L2HGDH: variants seen among roughly 807,000 people sequenced by gnomAD.
L2HGDH encodes the protein L-2-hydroxyglutarate dehydrogenase, mitochondrial.
L2HGDH carries 34 observed loss-of-function variants against 51.5 expected under a neutral mutation model. The observed-to-expected ratio is 0.66, with a 90% confidence interval of 0.50 to 0.88. The LOEUF (loss-of-function observed/expected upper bound fraction) is 0.88, where lower values mean the gene tolerates loss of function less well. L2HGDH is among the 40% of genes least tolerant of loss of function. L2HGDH has a pLI of 0.00. For synonymous variants in L2HGDH, 198 were observed against 197.9 expected (o/e 1.00, Z -0.01); for missense variants, 558 against 571.9 (o/e 0.98, Z 0.25).
At chr14:50,286,133 A>AACCAGGCAAGT (rs1327773745) in intron 4 of L2HGDH, among the ~76,000 whole-genome samples, 1 of 152,142 alleles carries the variant, frequency 6.6e-6, no homozygotes, top group Non-Finnish European at 1.5e-5. Context: ...ACCAGGCAAG[A>AACCAGGCAAGT]ACCAGACAAG....
chr14:50,266,463 C>T (rs1456753779), intron 8 of L2HGDH, among the ~76,000 whole-genome samples: 2 of 152,024 alleles, frequency 1.3e-5, no homozygotes, highest in South Asian at 2.1e-4. Context: ...TGTAACATGG[C>T]GAAACCCTGT....
rs1291768591 is a variant in L2HGDH, at chr14:50,244,924, T to C, written c.*2134A>G. The C allele has an allele frequency of 2.0e-6, 2 of 985,478 alleles. No homozygotes were observed. The highest frequency in any genetic ancestry group is 2.4e-6 in the Non-Finnish European group (2 of 829,930). The allele number at this position is 985,478 out of a possible 1,614,324, so 61.0% of individuals were successfully genotyped here. On this transcript the variant is annotated 3_prime_UTR_variant, in exon 10 of 10. Coordinates refer to ENST00000267436, the MANE Select transcript of L2HGDH (RefSeq NM_024884.3). ...AATGGATGAAAATGCCTCACCTAAATGTGGTTCAGTACTCAAAGTTCTGCA... is the reference window on the plus strand; with the variant it reads ...AATGGATGAAAATGCCTCACCTAAACGTGGTTCAGTACTCAAAGTTCTGCA...
At chr14:50,267,434 G>T (rs141957010) in intron 8 of L2HGDH, among the ~76,000 whole-genome samples, 1 of 152,040 alleles carries the variant, frequency 6.6e-6, no homozygotes, top group Non-Finnish European at 1.5e-5. Flanking sequence ...CACCTGCCTC[G>T]GCCTCCCAGA....
rs947003671 is a variant in L2HGDH at position 50,244,417 on chromosome 14, G to T, written c.*2641C>A. ...GCTTCAATTAGGACAATCATTTTTTGTAATTCAATGTTTACAACTTAGTAT... is the reference window on the plus strand; with the variant it reads ...GCTTCAATTAGGACAATCATTTTTTTTAATTCAATGTTTACAACTTAGTAT... On this transcript the variant is annotated 3_prime_UTR_variant, in exon 10 of 10. Transcript: ENST00000267436. 1.0e-6 allele frequency: 1 copy of T among 985,132 alleles called. No homozygotes were observed. The highest frequency in any genetic ancestry group is 1.7e-5 in the African/African-American group (1 of 57,212). The allele number at this position is 985,132 out of a possible 1,614,324, so 61.0% of individuals were successfully genotyped here.
chr14:50,251,289 T>A (rs924098833), intron 9 of L2HGDH, among the ~76,000 whole-genome samples: 4 of 151,996 alleles, frequency 2.6e-5, no homozygotes, highest in African/African-American at 9.7e-5. Context: ...GTTTGTGAGC[T>A]GAAAGACAGG....
intron 9 of L2HGDH, among the ~76,000 whole-genome samples, chr14:50,248,518 A>G (rs1392017251): frequency 6.6e-6 from 1 of 152,234 alleles, no homozygotes; most frequent in African/African-American, 2.4e-5. Flanking sequence ...CACAGTTTAT[A>G]TTTAACAGCA....
intron 9 of L2HGDH, among the ~76,000 whole-genome samples, chr14:50,256,100 T>C (rs1425257923): frequency 6.6e-6 from 1 of 152,164 alleles, no homozygotes; most frequent in Non-Finnish European, 1.5e-5. Context: ...TATTGTCATA[T>C]GTCAAGCATT....
At chr14:50,272,168 T>TA (rs779452391) in intron 6 of L2HGDH, among the ~76,000 whole-genome samples, 8 of 152,128 alleles carry the variant, frequency 5.3e-5, no homozygotes, top group Non-Finnish European at 2.9e-5. Context: ...AAACTTTTCA[T>TA]AAAACTATTT....
Position 50,243,329 on chromosome 14 carries a change from C to A in L2HGDH, c.*3729G>T, listed in dbSNP as rs1887870782. ...ACCCAAAATATAAATGACTCAACCT[C>A]ATTTTGTATTATATACTAACACAGA... On this transcript the variant is annotated 3_prime_UTR_variant, in exon 10 of 10. Transcript: ENST00000267436. 4.1e-6 allele frequency: 4 copies of A among 984,712 alleles called. No individual in the cohort carries two copies. The highest frequency in any genetic ancestry group is 4.7e-5 in the South Asian group (1 of 21,272). 61.0% of individuals were successfully genotyped at this position (984,712 alleles called of 1,614,324 possible). A position where few individuals can be genotyped will look rare whatever the true frequency, so the allele number is the denominator to read the frequency against.
intron 9 of L2HGDH, among the ~76,000 whole-genome samples, chr14:50,248,549 G>A (rs561940809): frequency 1.3e-5 from 2 of 152,320 alleles, no homozygotes; most frequent in African/African-American, 4.8e-5. Flanking sequence ...GAGAGATTAA[G>A]TAACTTGCCT....
intron 9 of L2HGDH, among the ~76,000 whole-genome samples, chr14:50,251,733 T>C (rs1335197693): frequency 1.3e-5 from 2 of 152,032 alleles, no homozygotes; most frequent in African/African-American, 4.8e-5. Context: ...TTTAAAGTGC[T>C]GAAGGAAAAA....
rs1282377002 is a variant in L2HGDH, at chr14:50,246,123, G to GAA, written c.*933_*934dup. 1.5e-5 allele frequency: 2 copies of GAA among 133,482 alleles called. No individual in the cohort carries two copies. Among genetic ancestry groups the GAA allele is most frequent in the Non-Finnish European group, 3.2e-5 (2 of 61,876 alleles). 8.3% of individuals were successfully genotyped at this position (133,482 alleles called of 1,614,324 possible). A position where few individuals can be genotyped will look rare whatever the true frequency, so the allele number is the denominator to read the frequency against. ...GGGCAACAAGAGTGAAACTCCGTCT[G>GAA]AAAAAAAAAATAAATAAAAGTCAGG... On this transcript the variant is annotated 3_prime_UTR_variant, in exon 10 of 10. Transcript: ENST00000267436.
At chr14:50,268,562 C>A (rs943676182) in intron 7 of L2HGDH, among the ~76,000 whole-genome samples, 22 of 152,124 alleles carry the variant, frequency 1.4e-4, no homozygotes, top group African/African-American at 4.8e-4. Context: ...GAAAAAAATA[C>A]ACATTCATAG....
chr14:50,267,923 C>G lies in L2HGDH; in HGVS notation c.907-13G>C. 1 of 1,612,494 alleles carries G rather than the reference C, an allele frequency of 6.2e-7. No individual in the cohort carries two copies. Among genetic ancestry groups the G allele is most frequent in the Non-Finnish European group, 8.5e-7 (1 of 1,178,544 alleles). On this transcript the variant is annotated splice_polypyrimidine_tract_variant and intron_variant, in intron 7 of 9. Transcript: ENST00000267436. ...GGCTATCTGGGACCTATAAATTTAA[C>G]ATAGTAAATAACAGCCTCATTTCAC...
intron 4 of L2HGDH, among the ~76,000 whole-genome samples, chr14:50,291,281 T>G (rs993786071): frequency 6.6e-6 from 1 of 151,676 alleles, no homozygotes; most frequent in Admixed American, 6.6e-5. Flanking sequence ...CAGGATGAAT[T>G]TGGCCCACAG....
At chr14:50,299,425 A>G (rs377148916) in intron 3 of L2HGDH, among the ~76,000 whole-genome samples, 2 of 152,200 alleles carry the variant, frequency 1.3e-5, no homozygotes, top group South Asian at 2.1e-4. Context: ...AACCCTACTC[A>G]AACTATTCCA....
At chr14:50,304,493 G>C (rs979484117) in intron 1 of L2HGDH, among the ~76,000 whole-genome samples, 1 of 152,248 alleles carries the variant, frequency 6.6e-6, no homozygotes, top group East Asian at 1.9e-4. Flanking sequence ...CCAGAAATGG[G>C]CTTAGGAACC....
At chr14:50,289,093 C>A (rs1890724817) in intron 4 of L2HGDH, among the ~76,000 whole-genome samples, 1 of 152,118 alleles carries the variant, frequency 6.6e-6, no homozygotes, top group Non-Finnish European at 1.5e-5. Context: ...CCCATATATT[C>A]TCTGCTCCCA....
intron 9 of L2HGDH, among the ~76,000 whole-genome samples, chr14:50,250,940 C>G (rs1382335309): frequency 1.3e-5 from 2 of 152,152 alleles, no homozygotes; most frequent in Non-Finnish European, 2.9e-5. Context: ...CAATAAGTAC[C>G]CAACTCTTCA....
Sources: allele counts gnomAD v4.1 joint callset (sites outside exome capture counted in the v4.1 genomes callset), GRCh38; gene constraint gnomAD v4.1.1; transcripts MANE v1.5; gene names NCBI Gene and HGNC (gene_info 2026-07-23, HGNC 2026-07-21).